PPM1H: variants seen among roughly 807,000 people sequenced by gnomAD.
The protein encoded by PPM1H is protein phosphatase 1H.
PPM1H carries 27 observed loss-of-function variants against 54.9 expected under a neutral mutation model. The ratio of observed to expected loss-of-function variants is 0.49; its 90% CI spans 0.36 to 0.68. PPM1H has a LOEUF of 0.68. Among genes scored for constraint, PPM1H ranks in the 30% least tolerant of loss-of-function variants. PPM1H has a pLI of 0.00. For synonymous variants in PPM1H, 305 were observed against 270.8 expected, an observed-to-expected ratio of 1.13 and a Z score of -1.24; for missense variants, 596 against 667.8, an observed-to-expected ratio of 0.89 and a Z score of 1.19.
chr12:62,716,165 C>A (rs192648115), intron 6 of PPM1H, among the ~76,000 whole-genome samples: 21 of 152,226 alleles, frequency 1.4e-4, no homozygotes, highest in African/African-American at 4.8e-4. Context: ...AATTTGCTCA[C>A]CTGCAAAATG....
chr12:62,861,723 C>G (rs1869608588), intron 1 of PPM1H, among the ~76,000 whole-genome samples: 2 of 152,166 alleles, frequency 1.3e-5, no homozygotes, highest in African/African-American at 2.4e-5. Flanking sequence ...TTCCCTTAAG[C>G]AGGGCATAGA....
chr12:62,881,855 C>T (rs1870408507), intron 1 of PPM1H, among the ~76,000 whole-genome samples: 1 of 152,172 alleles, frequency 6.6e-6, no homozygotes, highest in African/African-American at 2.4e-5. Context: ...GGTCTCCCTG[C>T]CTCTGGTTTC....
At chr12:62,674,255 T>C (rs2075973673) in intron 8 of PPM1H, among the ~76,000 whole-genome samples, 1 of 152,130 alleles carries the variant, frequency 6.6e-6, no homozygotes, top group South Asian at 2.1e-4. Flanking sequence ...TGGGATTCAA[T>C]TCCCAAAGTC....
In PPM1H at chr12:62,751,705, A is replaced by G. The variant is rs2076443474; in HGVS notation, c.870-14119T>C. Among the ~76,000 whole-genome samples the G allele has an allele frequency of 3.9e-5, 6 of 152,212 alleles. No individual in the cohort carries two copies. In the South Asian group the frequency reaches 1.2e-3, roughly 32 times the overall value. ...TTTCTTTATGGTGCTATAAATCAGGAACTACGTCTGCTACATGAGGGCAAA... is the reference window on the plus strand; with the variant it reads ...TTTCTTTATGGTGCTATAAATCAGGGACTACGTCTGCTACATGAGGGCAAA... On this transcript the variant is annotated intron_variant, in intron 4 of 9. Coordinates refer to ENST00000228705, the MANE Select transcript of PPM1H (RefSeq NM_020700.2).
intron 3 of PPM1H, among the ~76,000 whole-genome samples, chr12:62,801,107 T>C (rs754105967): frequency 2.0e-5 from 3 of 152,172 alleles, no homozygotes; most frequent in Non-Finnish European, 4.4e-5. Flanking sequence ...TTAGATCACA[T>C]CTGTATAGGA....
chr12:62,825,938 C>G (rs933156204), intron 2 of PPM1H, among the ~76,000 whole-genome samples: 1 of 151,504 alleles, frequency 6.6e-6, no homozygotes, highest in Non-Finnish European at 1.5e-5. Context: ...AAAAAAAGAG[C>G]TCAAACACAG....
At chr12:62,689,668 A>G in intron 8 of PPM1H, 31 bp downstream of exon 8, 1 of 1,567,184 alleles carries the variant, frequency 6.4e-7, no homozygotes, top group Non-Finnish European at 8.8e-7. Context: ...GTTTTATTGC[A>G]CAAAATATAA....
rs1192037366 is a variant in PPM1H at position 62,744,187 on chromosome 12, A to AG, written c.870-6602_870-6601insC. Among the ~76,000 whole-genome samples, 80 of 146,130 alleles carry AG rather than the reference A, an allele frequency of 5.5e-4. 10 individuals are homozygous for AG. The highest frequency in any genetic ancestry group is 2.4e-3 in the East Asian group (12 of 5,058). ...GTCATAAAAAAAAAAAAAAAAAAAA[A>AG]AGGCCAGGCGCTGTGGCTCACACCT... On this transcript the variant is annotated intron_variant, in intron 4 of 9. Coordinates refer to ENST00000228705, the MANE Select transcript of PPM1H (RefSeq NM_020700.2).
intron 9 of PPM1H, among the ~76,000 whole-genome samples, chr12:62,661,164 T>C (rs2075881083): frequency 1.3e-5 from 2 of 152,278 alleles, no homozygotes; most frequent in South Asian, 4.1e-4. Flanking sequence ...CCCCTGACCC[T>C]TGCCTCGCTC....
Position 62,860,018 on chromosome 12 carries a change from C to T in PPM1H, c.246-27739G>A, listed in dbSNP as rs1001553505. Among the ~76,000 whole-genome samples, 12 of 152,170 alleles carry T rather than the reference C, an allele frequency of 7.9e-5. No homozygotes were observed. In the South Asian group the frequency reaches 2.5e-3, roughly 32 times the overall value. ...TGAAGACGTGAGGATAATCTGTTCT[C>T]ATGCTGCTATGAAGAAATATCCGAG... On this transcript the variant is annotated intron_variant, in intron 1 of 9. Coordinates refer to ENST00000228705, the MANE Select transcript of PPM1H (RefSeq NM_020700.2).
chr12:62,897,691 G>A (rs1871038682), intron 1 of PPM1H, among the ~76,000 whole-genome samples: 1 of 152,068 alleles, frequency 6.6e-6, no homozygotes, highest in South Asian at 2.1e-4. Flanking sequence ...ATCTACCTAT[G>A]ACTTTGTGGC....
chr12:62,800,525 G>A (rs1036185688), intron 3 of PPM1H, among the ~76,000 whole-genome samples: 7 of 152,004 alleles, frequency 4.6e-5, no homozygotes, highest in East Asian at 1.9e-4. Context: ...TTTTGGTAGA[G>A]ACGGGGTTGC....
chr12:62,815,955 C>T (rs532869998), intron 2 of PPM1H, among the ~76,000 whole-genome samples: 46 of 152,230 alleles, frequency 3.0e-4, no homozygotes, highest in South Asian at 2.5e-3. Context: ...TGTTTTTCAT[C>T]TTAGTAACAG....
At chr12:62,904,200 C>T (rs1871241589) in intron 1 of PPM1H, among the ~76,000 whole-genome samples, 1 of 151,860 alleles carries the variant, frequency 6.6e-6, no homozygotes. Context: ...ACAAAAAGGC[C>T]CACAAACAGA....
At chr12:62,774,841 CAG>C (rs1175206204) in intron 4 of PPM1H, among the ~76,000 whole-genome samples, 7 of 152,148 alleles carry the variant, frequency 4.6e-5, no homozygotes, top group African/African-American at 1.7e-4. Context: ...AGCAAAATCT[CAG>C]AAACGGAGGA....
intron 2 of PPM1H, among the ~76,000 whole-genome samples, chr12:62,805,355 G>A (rs2076800069): frequency 6.6e-6 from 1 of 152,178 alleles, no homozygotes; most frequent in Admixed American, 6.5e-5. Flanking sequence ...TTTACTGCTG[G>A]TTATATAACA....
intron 9 of PPM1H, among the ~76,000 whole-genome samples, chr12:62,663,038 T>C (rs943122466): frequency 2.0e-5 from 3 of 152,194 alleles, no homozygotes; most frequent in African/African-American, 7.2e-5. Flanking sequence ...GATTCTTCCC[T>C]GTTAATGAGC....
chr12:62,694,215 A>G (rs2076100796), intron 6 of PPM1H, among the ~76,000 whole-genome samples: 2 of 151,986 alleles, frequency 1.3e-5, no homozygotes, highest in African/African-American at 4.8e-5. Flanking sequence ...TTGAAGAGGG[A>G]GGAAATAAGT....
At chr12:62,797,049 G>C (rs1290266653) in intron 3 of PPM1H, among the ~76,000 whole-genome samples, 1 of 152,172 alleles carries the variant, frequency 6.6e-6, no homozygotes, top group Non-Finnish European at 1.5e-5. Flanking sequence ...TCAGGACATG[G>C]AGTTGAAGAC....
Sources: gnomAD v4.1 joint callset for allele counts (sites outside exome capture counted in the v4.1 genomes callset) on GRCh38, gnomAD v4.1.1 for gene constraint, MANE v1.5 for transcripts, NCBI Gene and HGNC (gene_info 2026-07-23, HGNC 2026-07-21) for gene names.